Variants in ASXL2 observed in about 807,000 individuals in gnomAD.
ASXL2 encodes ASXL transcriptional regulator 2, also known as putative Polycomb group protein ASXL2.
A neutral mutation model predicts 122.0 loss-of-function variants in ASXL2; 23 were observed. That is an observed-to-expected ratio of 0.19 (90% CI 0.14 to 0.27). The LOEUF (loss-of-function observed/expected upper bound fraction) is 0.27, where lower values mean the gene tolerates loss of function less well. ASXL2 is among the 10% of genes least tolerant of loss of function. The pLI, the probability that ASXL2 is intolerant of heterozygous loss-of-function variation, is 1.00. For missense variants in ASXL2, 1,518 were observed against 1,713.8 expected (o/e 0.89, Z 2.02); for synonymous variants, 650 against 637.0 (o/e 1.02, Z -0.31).
At chr2:25,798,538 T>C (rs1416937352) in intron 5 of ASXL2, among the ~76,000 whole-genome samples, 1 of 152,020 alleles carries the variant, frequency 6.6e-6, no homozygotes, top group Non-Finnish European at 1.5e-5. Context: ...CCGAGGCAGG[T>C]AGATCACCTG....
intron 10 of ASXL2, among the ~76,000 whole-genome samples, chr2:25,755,482 TTC>T (rs1208017258): frequency 4.6e-5 from 7 of 152,360 alleles, no homozygotes; most frequent in African/African-American, 1.4e-4. Flanking sequence ...TACTACAATG[TTC>T]TGACTGCCAA....
Position 25,756,011 on chromosome 2 carries a change from C to A in ASXL2, c.1036+7G>T. ...CACCTGGGAGACACATTAAGTAGAG[C>A]ACTTACCTTCTGAGAGTCTTTCCTT... On this transcript the variant is annotated splice_region_variant and intron_variant, in intron 10 of 12. Coordinates refer to ENST00000435504, the MANE Select transcript of ASXL2 (RefSeq NM_018263.6). The A allele has an allele frequency of 6.2e-7, 1 of 1,609,286 alleles. No individual in the cohort carries two copies. Among genetic ancestry groups the A allele is most frequent in the Non-Finnish European group, 8.5e-7 (1 of 1,175,706 alleles).
Position 25,740,461 on chromosome 2 carries a change from C to T in ASXL2, c.*1568G>A, listed in dbSNP as rs2087809607. ...GTTGCATTAACATTTGTACTTTACC[C>T]ATTCCAAATTAGGAGACTTGAAATC... is the stretch of plus-strand genomic sequence containing the variant. On this transcript the variant is annotated 3_prime_UTR_variant, in exon 13 of 13. Transcript: ENST00000435504. The T allele has an allele frequency of 4.4e-6, 1 of 227,780 alleles. No individual in the cohort carries two copies. The highest frequency in any genetic ancestry group is 8.7e-6 in the Non-Finnish European group (1 of 114,852). The allele number at this position is 227,780 out of a possible 1,614,324, so 14.1% of individuals were successfully genotyped here. A position where few individuals can be genotyped will look rare whatever the true frequency, so the allele number is the denominator to read the frequency against.
chr2:25,744,312 G>A lies in ASXL2; in HGVS notation c.2025C>T (p.Ala675=), dbSNP rs764791680. The A allele has an allele frequency of 1.4e-5, 23 of 1,611,610 alleles. No individual in the cohort carries two copies. Among genetic ancestry groups the A allele is most frequent in the East Asian group, 6.7e-5 (3 of 44,882 alleles). ...QLVKAQRAAA[A]AAAAAAAAAS... ...CGGCTGCAGCAGCTGCGGCGGCAGC[G>A]GCAGCTGCTGCCCTCTGTGCTTTGA... Residue 675 remains alanine, a synonymous_variant, in exon 13 of 13, where the codon GCC becomes GCT. Coordinates refer to ENST00000435504, the MANE Select transcript of ASXL2 (RefSeq NM_018263.6). This position sits in a 1 kb window ranked among gnomAD's most constrained non-coding sequence, Gnocchi z 4.7.
intron 5 of ASXL2, among the ~76,000 whole-genome samples, chr2:25,780,765 A>G (rs1383305111): frequency 6.6e-6 from 1 of 152,220 alleles, no homozygotes; most frequent in African/African-American, 2.4e-5. Context: ...GAGAAAAAAA[A>G]TTCTTTATTT....
chr2:25,750,685 T>A (rs538931281), intron 11 of ASXL2, among the ~76,000 whole-genome samples: 1 of 152,350 alleles, frequency 6.6e-6, no homozygotes, highest in Admixed American at 6.5e-5. Context: ...TAGGTTTAAT[T>A]ACTTCATAGT....
intron 1 of ASXL2, among the ~76,000 whole-genome samples, chr2:25,849,064 C>CATATATATATATATATGTATATATAT (rs139200567): frequency 1.2e-5 from 1 of 86,516 alleles, no homozygotes; most frequent in Non-Finnish European, 2.0e-5. Context: ...AAAAAATTTA[C>CATATATATATATATATGTATATATAT]ATATATATAT....
chr2:25,819,960 A>AGT (rs1394182622), intron 3 of ASXL2, among the ~76,000 whole-genome samples: 1 of 152,158 alleles, frequency 6.6e-6, no homozygotes, highest in Non-Finnish European at 1.5e-5. Context: ...CCCAGGCTAG[A>AGT]GTGCAGTGGT....
chr2:25,877,047 T>C (rs1266902427), intron 1 of ASXL2, among the ~76,000 whole-genome samples: 2 of 152,232 alleles, frequency 1.3e-5, no homozygotes, highest in Admixed American at 1.3e-4. Flanking sequence ...TATACTTTTT[T>C]ATAATTTTCC....
intron 1 of ASXL2, among the ~76,000 whole-genome samples, chr2:25,860,602 T>G (rs1574452842): frequency 6.6e-6 from 1 of 151,506 alleles, no homozygotes; most frequent in African/African-American, 2.4e-5. Flanking sequence ...TGGTAGCTAC[T>G]CAGGAGGCTG....
At chr2:25,835,422 A>AT in intron 3 of ASXL2, 116 bp downstream of exon 3, 1 of 188,992 alleles carries the variant, frequency 5.3e-6, no homozygotes. Flanking sequence ...TTTCTGGACT[A>AT]ATTATTTAGT....
intron 1 of ASXL2, among the ~76,000 whole-genome samples, chr2:25,866,899 ATTT>A (rs888834950): frequency 8.2e-5 from 12 of 146,424 alleles, no homozygotes; most frequent in African/African-American, 2.8e-4. Context: ...CGTCCAGCTA[ATTT>A]TTTTTTTATT....
chr2:25,801,968 C>G (rs1453713000), intron 4 of ASXL2, among the ~76,000 whole-genome samples: 1 of 152,214 alleles, frequency 6.6e-6, no homozygotes, highest in Non-Finnish European at 1.5e-5. Context: ...TTTCAAAGGC[C>G]TCCAATGTTT....
At chr2:25,759,694 T>C (rs2088206263) in intron 8 of ASXL2, 49 bp from the exon 9 acceptor site, 1 of 1,575,672 alleles carries the variant, frequency 6.3e-7, no homozygotes, top group Non-Finnish European at 8.7e-7. Context: ...AAGTCCTGTT[T>C]CTATATAAAC....
At position 25,735,399 on chromosome 2, in the gene ASXL2, C is replaced by G. The variant is rs1397040040; in HGVS notation, c.*6630G>C. On this transcript the variant is annotated 3_prime_UTR_variant, in exon 13 of 13. Transcript: ENST00000435504. ...AAAGCGCTAGAGTCCTGCTGAAGCC[C>G]TTTTTAATTCAAGTTGTGACTCAAG... 6.6e-6 allele frequency: 1 copy of G among 152,096 alleles called. No homozygotes were observed. The highest frequency in any genetic ancestry group is 2.4e-5 in the African/African-American group (1 of 41,406). 9.4% of individuals were successfully genotyped at this position (152,096 alleles called of 1,614,324 possible). A position where few individuals can be genotyped will look rare whatever the true frequency, so the allele number is the denominator to read the frequency against.
intron 5 of ASXL2, 26 bp from the exon 6 acceptor site, chr2:25,771,566 A>G (rs775279983): frequency 8.2e-6 from 13 of 1,579,110 alleles, no homozygotes; most frequent in African/African-American, 1.4e-5. Context: ...TGACAATAAA[A>G]GATTTTTGTT....
rs545598858 is a variant in ASXL2, at chr2:25,823,285, T to TA, written c.143+12252dup. 9.3e-4 allele frequency among the ~76,000 whole-genome samples: 141 copies of TA among 152,290 alleles called. 1 individual carries two copies. Among genetic ancestry groups the TA allele is most frequent in the African/African-American group, 3.3e-3 (137 of 41,564 alleles). ...CCTAAGTCTCCTTTTCTTCATAACA[T>TA]AGATACTGACATGATAGGAAGCTCT... On this transcript the variant is annotated intron_variant, in intron 3 of 12. Coordinates refer to ENST00000435504, the MANE Select transcript of ASXL2 (RefSeq NM_018263.6).
chr2:25,875,199 G>C (rs72803612), intron 1 of ASXL2, among the ~76,000 whole-genome samples: 6,486 of 152,310 alleles, frequency 0.043, 213 homozygotes, highest in African/African-American at 0.081. Flanking sequence ...GCACATTCAA[G>C]ATCAGGTGAA....
intron 1 of ASXL2, among the ~76,000 whole-genome samples, chr2:25,862,071 C>T (rs902986174): frequency 5.3e-5 from 8 of 151,996 alleles, no homozygotes; most frequent in African/African-American, 1.9e-4. Flanking sequence ...TTTTGTGAAA[C>T]GGAGGAAACT....
Sources: gnomAD v4.1 joint callset for allele counts (sites outside exome capture counted in the v4.1 genomes callset) on GRCh38, gnomAD v4.1.1 for gene constraint, Gnocchi (gnomAD v3.1) non-coding constraint, MANE v1.5 for transcripts, NCBI Gene and HGNC (gene_info 2026-07-23, HGNC 2026-07-21) for gene names.